The following STK33 variants were observed in gnomAD, a reference collection of about 807,000 sequenced individuals.
The protein encoded by STK33 is serine/threonine-protein kinase 33.
A neutral mutation model predicts 58.0 loss-of-function variants in STK33; 52 were observed. The ratio of observed to expected loss-of-function variants is 0.90; its 90% confidence interval spans 0.72 to 1.13. STK33 has a LOEUF of 1.13. Ranked by LOEUF, STK33 falls within the 50% of genes most tolerant of loss-of-function variation. The pLI, the probability that STK33 is intolerant of heterozygous loss-of-function variation, is 0.00. For synonymous variants in STK33, 215 were observed against 200.1 expected, an observed-to-expected ratio of 1.07 and a Z score of -0.63; for missense variants, 630 against 604.2, an observed-to-expected ratio of 1.04 and a Z score of -0.45.
At chr11:8,424,074 G>T in intron 14 of STK33, among the ~76,000 whole-genome samples, 1 of 151,716 alleles carries the variant, frequency 6.6e-6, no homozygotes, top group African/African-American at 2.4e-5. Flanking sequence ...TGCCATGTTG[G>T]TGTGCTGCAC....
chr11:8,549,863 CTT>C (rs1956187977), intron 1 of STK33, among the ~76,000 whole-genome samples: 1 of 151,970 alleles, frequency 6.6e-6, no homozygotes, highest in Non-Finnish European at 1.5e-5. Flanking sequence ...GGTCTTCTCT[CTT>C]TTTTCTTAGT....
the STK33 span, among the ~76,000 whole-genome samples, chr11:8,335,337 C>T: frequency 6.6e-6 from 1 of 152,138 alleles, no homozygotes; most frequent in Admixed American, 6.5e-5. Flanking sequence ...CTCCCGAGGG[C>T]TCCCACCTCT....
In STK33 at chr11:8,521,688, C is replaced by T. The variant is rs189581355; in HGVS notation, c.-465-41074G>A. Among the ~76,000 whole-genome samples, 21 of 152,216 alleles carry T rather than the reference C, an allele frequency of 1.4e-4. No individual in the cohort carries two copies. In the East Asian group the frequency reaches 4.1e-3, roughly 29 times the overall value. ...AGAAACTACCCTCAGAGTGAACAGGCAACCTACAGAATGGGAGAAAATTTT... is the reference window on the plus strand; with the variant it reads ...AGAAACTACCCTCAGAGTGAACAGGTAACCTACAGAATGGGAGAAAATTTT... On this transcript the variant is annotated intron_variant, in intron 1 of 15. Transcript: ENST00000687296.
chr11:8,424,448 T>A (rs1401407009), intron 14 of STK33, among the ~76,000 whole-genome samples: 5 of 151,358 alleles, frequency 3.3e-5, no homozygotes, highest in African/African-American at 9.7e-5. Context: ...ACAATAAACA[T>A]ACGTGTGCAT....
At chr11:8,401,992 A>G (rs1393927912) in intron 15 of STK33, among the ~76,000 whole-genome samples, 1 of 152,210 alleles carries the variant, frequency 6.6e-6, no homozygotes, top group Non-Finnish European at 1.5e-5. Context: ...ATGTGGAGAA[A>G]TAGGAACACT....
intron 1 of STK33, among the ~76,000 whole-genome samples, chr11:8,482,841 T>C (rs2138281574): frequency 1.3e-5 from 2 of 152,188 alleles, no homozygotes; most frequent in East Asian, 3.9e-4. Flanking sequence ...GCCATTCTCC[T>C]GCCTCAGCCT....
At chr11:8,462,470 C>CACACACAT (rs1947670890) in intron 7 of STK33, among the ~76,000 whole-genome samples, 2 of 143,352 alleles carry the variant, frequency 1.4e-5, no homozygotes, top group African/African-American at 5.4e-5. Flanking sequence ...CACACACACA[C>CACACACAT]ACATATATAT....
chr11:8,367,901 C>A, the STK33 span, among the ~76,000 whole-genome samples: 1 of 152,136 alleles, frequency 6.6e-6, no homozygotes, highest in Non-Finnish European at 1.5e-5. Context: ...ACAGTGCACA[C>A]GCCCAAACCC....
At chr11:8,489,607 A>C (rs1950453935) in intron 1 of STK33, among the ~76,000 whole-genome samples, 1 of 152,138 alleles carries the variant, frequency 6.6e-6, no homozygotes, top group Non-Finnish European at 1.5e-5. Context: ...GTAATAACTA[A>C]ACCATGATAA....
intron 11 of STK33, among the ~76,000 whole-genome samples, chr11:8,451,051 G>C (rs1315461849): frequency 2.0e-5 from 3 of 152,110 alleles, no homozygotes; most frequent in Non-Finnish European, 4.4e-5. Context: ...CTAAGGACTA[G>C]AACTGTATAA....
chr11:8,517,135 TC>T (rs560821901), intron 1 of STK33, among the ~76,000 whole-genome samples: 48 of 152,202 alleles, frequency 3.2e-4, no homozygotes, highest in African/African-American at 1.1e-3. Context: ...AGACAAAGCT[TC>T]CAGAGAAAGG....
chr11:8,357,544 C>T, the STK33 span, among the ~76,000 whole-genome samples: 2 of 152,226 alleles, frequency 1.3e-5, no homozygotes, highest in Admixed American at 6.5e-5. Flanking sequence ...CATAATTGGG[C>T]TCCTAATTCA....
chr11:8,591,676 A>T (rs924294997), intron 1 of STK33, among the ~76,000 whole-genome samples: 2 of 152,114 alleles, frequency 1.3e-5, no homozygotes, highest in Non-Finnish European at 1.5e-5. Context: ...TTTGAAAATT[A>T]CCTTTGTAGG....
At chr11:8,343,335 G>C in the STK33 span, among the ~76,000 whole-genome samples, 2 of 152,378 alleles carry the variant, frequency 1.3e-5, no homozygotes, top group Middle Eastern at 3.4e-3. Flanking sequence ...AGCACCGCTC[G>C]CTTTGTGAGG....
chr11:8,479,431 CAA>C (rs777089382), intron 2 of STK33, among the ~76,000 whole-genome samples: 17 of 104,192 alleles, frequency 1.6e-4, no homozygotes, highest in South Asian at 3.3e-4. Context: ...GACTCCGTCT[CAA>C]AAAAAAAAAA....
intron 11 of STK33, among the ~76,000 whole-genome samples, chr11:8,442,154 G>T (rs1369787151): frequency 6.6e-6 from 1 of 151,816 alleles, no homozygotes; most frequent in Non-Finnish European, 1.5e-5. Context: ...AACAAAAAGG[G>T]GTCAAAAGAT....
the STK33 span, among the ~76,000 whole-genome samples, chr11:8,370,031 C>G: frequency 8.5e-5 from 13 of 152,326 alleles, no homozygotes; most frequent in Admixed American, 2.6e-4. Flanking sequence ...ACAACAGCCC[C>G]GTTCTGGTGC....
intron 1 of STK33, among the ~76,000 whole-genome samples, chr11:8,540,479 A>T (rs1239079585): frequency 6.6e-6 from 1 of 151,928 alleles, no homozygotes; most frequent in Non-Finnish European, 1.5e-5. Context: ...CCCAGTCTTT[A>T]AAAAAAAGAC....
chr11:8,493,899 C>G (rs943943749), intron 1 of STK33, among the ~76,000 whole-genome samples: 2 of 152,120 alleles, frequency 1.3e-5, no homozygotes, highest in Admixed American at 6.6e-5. Flanking sequence ...ATTCAACAGC[C>G]CTTCATGCTA....
Sources: allele counts gnomAD v4.1 joint callset (sites outside exome capture counted in the v4.1 genomes callset), GRCh38; gene constraint gnomAD v4.1.1; transcripts MANE v1.5; gene names NCBI Gene and HGNC (gene_info 2026-07-23, HGNC 2026-07-21).